The following CELF2 variants were observed in gnomAD, a reference collection of about 807,000 sequenced individuals.
CELF2 encodes CUG triplet repeat RNA-binding protein 2.
In CELF2, 8 loss-of-function variants were observed where a neutral mutation model predicts 62.6. The observed-to-expected ratio is 0.13, with a 90% CI of 0.07 to 0.23. The LOEUF (loss-of-function observed/expected upper bound fraction) is 0.23, where lower values mean the gene tolerates loss of function less well. Ranked by LOEUF, CELF2 falls within the 10% of genes least tolerant of loss-of-function variation. The probability of loss-of-function intolerance (pLI) is 1.00; values close to 1 mark genes in which losing one functional copy is unlikely to be tolerated. For missense variants in CELF2, 333 were observed against 671.0 expected, an observed-to-expected ratio of 0.50 and a Z score of 5.56; for synonymous variants, 258 against 250.0, an observed-to-expected ratio of 1.03 and a Z score of -0.30.
chr10:11,290,339 G>C lies in CELF2; in HGVS notation c.976+1787G>C, dbSNP rs2092316310. The stretch of plus-strand genomic sequence containing the variant: ...ACCTGAGTTCCGTGACGGAAGCCAT[G>C]GCGCGTGTTGAGGCAGAGGACAGAG... On this transcript the variant is annotated intron_variant, in intron 9 of 12. Coordinates refer to ENST00000633077, the MANE Select transcript of CELF2 (RefSeq NM_001326342.2). This position sits in a 1 kb window ranked among gnomAD's most constrained non-coding sequence, Gnocchi z 4.3. 6.6e-6 allele frequency among the ~76,000 whole-genome samples: 1 copy of C among 152,136 alleles called. No homozygotes were observed. Among genetic ancestry groups the C allele is most frequent in the Admixed American group, 6.5e-5 (1 of 15,286 alleles).
chr10:11,140,104 A>G (rs1216331907), intron 1 of CELF2, among the ~76,000 whole-genome samples: 1 of 152,188 alleles, frequency 6.6e-6, no homozygotes, highest in Non-Finnish European at 1.5e-5. Flanking sequence ...CCTCTGCTCA[A>G]TCAGTTAGTC....
the CELF2 span, among the ~76,000 whole-genome samples, chr10:10,680,928 A>G: frequency 6.6e-6 from 1 of 152,192 alleles, no homozygotes; most frequent in African/African-American, 2.4e-5. Context: ...ATGCTTAAGT[A>G]TTATTTGTAT....
chr10:10,663,850 T>C, the CELF2 span, among the ~76,000 whole-genome samples: 1 of 152,232 alleles, frequency 6.6e-6, no homozygotes, highest in Non-Finnish European at 1.5e-5. Context: ...AAATAGATTC[T>C]TCAGTATGTC....
At position 11,048,445 on chromosome 10, in the gene CELF2, G is replaced by T. The variant is rs955996167; in HGVS notation, c.74+30282G>T. 4.6e-5 allele frequency among the ~76,000 whole-genome samples: 7 copies of T among 152,298 alleles called. No individual in the cohort carries two copies. In the East Asian group the frequency reaches 7.7e-4, roughly 17 times the overall value. On this transcript the variant is annotated intron_variant, in intron 1 of 12. Coordinates refer to ENST00000633077, the MANE Select transcript of CELF2 (RefSeq NM_001326342.2). ...AGATGGTTGCGTTACTGTACCTAGG[G>T]TATTGTAGTTTAACTTTTAATTCCA...
At chr10:10,852,507 T>C (rs189883202) in intron 1 of CELF2, among the ~76,000 whole-genome samples, 11 of 152,264 alleles carry the variant, frequency 7.2e-5, no homozygotes, top group Non-Finnish European at 1.6e-4. Flanking sequence ...CTTGTGGTGG[T>C]AGAATTGTTG....
At chr10:10,493,237 A>G in the CELF2 span, among the ~76,000 whole-genome samples, 7 of 152,194 alleles carry the variant, frequency 4.6e-5, no homozygotes, top group Non-Finnish European at 8.8e-5. Flanking sequence ...TCAAATTCAC[A>G]GAAACAGAAA....
chr10:11,215,933 G>A (rs2063251338), intron 2 of CELF2, among the ~76,000 whole-genome samples: 1 of 152,172 alleles, frequency 6.6e-6, no homozygotes, highest in Admixed American at 6.5e-5. Context: ...GATCGGTTCA[G>A]TAAAAAATCT....
At chr10:10,678,626 A>T in the CELF2 span, among the ~76,000 whole-genome samples, 1 of 152,332 alleles carries the variant, frequency 6.6e-6, no homozygotes, top group East Asian at 1.9e-4. Context: ...CAGAAACTGC[A>T]CCAAATGCAT....
chr10:10,674,635 A>T, the CELF2 span, among the ~76,000 whole-genome samples: 1 of 152,024 alleles, frequency 6.6e-6, no homozygotes, highest in Non-Finnish European at 1.5e-5. Context: ...TGTGGGTTTA[A>T]TTGAGGATTT....
At chr10:10,566,414 T>TA in the CELF2 span, among the ~76,000 whole-genome samples, 8 of 124,296 alleles carry the variant, frequency 6.4e-5, no homozygotes, top group African/African-American at 2.7e-4. Context: ...TTTTTTTTTT[T>TA]TTTAATTTTT....
At chr10:11,197,027 A>G (rs1256796674) in intron 2 of CELF2, among the ~76,000 whole-genome samples, 1,871 of 37,040 alleles carry the variant, frequency 0.051, 494 homozygotes, top group African/African-American at 0.19. Context: ...AAAGAAAGAA[A>G]AGAAAGAAAG....
intron 2 of CELF2, among the ~76,000 whole-genome samples, chr10:11,206,471 A>G (rs1367336210): frequency 6.6e-6 from 1 of 152,254 alleles, no homozygotes; most frequent in Non-Finnish European, 1.5e-5. Flanking sequence ...ATTGGATTCA[A>G]GACAGAACTA....
rs754919472 is a variant in CELF2 at position 11,275,094 on chromosome 10, CGTTCAGCGG to C, written c.816_824del (p.Phe273_Gly275del). ...GCCACCTCCTCCAGCAACCTGGGTGCGTTCAGCGGCATTCAACAAATGGCAGGTAAGTCA... is the reference window on the plus strand; with the variant it reads ...GCCACCTCCTCCAGCAACCTGGGTGCCATTCAACAAATGGCAGGTAAGTCA... On this transcript the variant is annotated inframe_deletion, in exon 8 of 13. Coordinates refer to ENST00000633077, the MANE Select transcript of CELF2 (RefSeq NM_001326342.2). 1.2e-6 allele frequency: 2 copies of C among 1,614,160 alleles called. No homozygotes were observed. Among genetic ancestry groups the C allele is most frequent in the Non-Finnish European group, 1.7e-6 (2 of 1,180,018 alleles).
intron 1 of CELF2, among the ~76,000 whole-genome samples, chr10:10,875,220 T>C (rs948351569): frequency 9.9e-5 from 15 of 152,226 alleles, no homozygotes; most frequent in African/African-American, 3.4e-4. Flanking sequence ...CCAGCAGAAG[T>C]ATAATTCAAT....
chr10:10,746,232 G>A, the CELF2 span, among the ~76,000 whole-genome samples: 1 of 152,008 alleles, frequency 6.6e-6, no homozygotes, highest in African/African-American at 2.4e-5. Flanking sequence ...ATTCTTTGAC[G>A]GCAACAAGTA....
At chr10:10,689,641 C>A in the CELF2 span, among the ~76,000 whole-genome samples, 1 of 152,176 alleles carries the variant, frequency 6.6e-6, no homozygotes, top group South Asian at 2.1e-4. Context: ...TACTCCTAAG[C>A]TAACACCAGA....
At chr10:10,966,221 C>T (rs901779752) in intron 2 of CELF2, among the ~76,000 whole-genome samples, 2 of 152,196 alleles carry the variant, frequency 1.3e-5, no homozygotes, top group African/African-American at 4.8e-5. Context: ...CATAGTCCTG[C>T]CTCCTACAAA....
chr10:11,207,799 G>A lies in CELF2; in HGVS notation c.272-9626G>A, dbSNP rs924096303. On this transcript the variant is annotated intron_variant, in intron 2 of 12. Transcript: ENST00000633077. The surrounding 1 kb of genome is among the most constrained non-coding windows in gnomAD (Gnocchi z 4.1). ...CAAACTCTATAAAACTAAGCTAATT[G>A]GATACGGTTTCCTTAAAAGTAGATT... Among the ~76,000 whole-genome samples, 1 of 152,174 alleles carries A rather than the reference G, an allele frequency of 6.6e-6. No individual in the cohort carries two copies. The highest frequency in any genetic ancestry group is 1.5e-5 in the Non-Finnish European group (1 of 68,036).
chr10:11,196,306 G>C (rs558108386), intron 2 of CELF2, among the ~76,000 whole-genome samples: 1 of 152,318 alleles, frequency 6.6e-6, no homozygotes, highest in Admixed American at 6.5e-5. Context: ...GGGTTTTTAC[G>C]CTAAAGAACA....
Sources: gnomAD v4.1 joint callset for allele counts (sites outside exome capture counted in the v4.1 genomes callset) on GRCh38, gnomAD v4.1.1 for gene constraint, Gnocchi (gnomAD v3.1) non-coding constraint, MANE v1.5 for transcripts, NCBI Gene and HGNC (gene_info 2026-07-23, HGNC 2026-07-21) for gene names.